Variants in TTC13 observed in about 807,000 individuals in gnomAD.
TTC13 encodes tetratricopeptide repeat domain 13, also known as tetratricopeptide repeat protein 13.
Under a neutral mutation model 120.0 loss-of-function variants are expected in TTC13, and 62 were observed. The ratio of observed to expected loss-of-function variants is 0.52; its 90% confidence interval spans 0.42 to 0.64. TTC13 has a LOEUF of 0.64. TTC13 is among the 30% of genes least tolerant of loss of function. TTC13 has a pLI of 0.00. For missense variants in TTC13, 824 were observed against 1,050.2 expected, an observed-to-expected ratio of 0.78 and a Z score of 2.98; for synonymous variants, 384 against 393.5, an observed-to-expected ratio of 0.98 and a Z score of 0.28.
intron 17 of TTC13, among the ~76,000 whole-genome samples, chr1:230,918,196 G>A (rs997936352): frequency 6.6e-6 from 1 of 152,158 alleles, no homozygotes; most frequent in Non-Finnish European, 1.5e-5. Context: ...CATACATACT[G>A]AATTTGCCAG....
chr1:230,913,869 G>A (rs1480717902), intron 18 of TTC13, among the ~76,000 whole-genome samples: 1 of 152,200 alleles, frequency 6.6e-6, no homozygotes, highest in East Asian at 1.9e-4. Flanking sequence ...TTCCAACAGG[G>A]AGATGGTCCA....
intron 1 of TTC13, among the ~76,000 whole-genome samples, chr1:230,968,184 TGG>T (rs10587077): frequency 0.36 from 46,744 of 130,960 alleles, 9,466 homozygotes; most frequent in African/African-American, 0.58. Flanking sequence ...CCTATGGTGG[TGG>T]GGGGGGGGCC....
At chr1:230,960,122 A>G (rs1422706173) in intron 2 of TTC13, among the ~76,000 whole-genome samples, 1 of 152,332 alleles carries the variant, frequency 6.6e-6, no homozygotes, top group East Asian at 1.9e-4. Flanking sequence ...CACCTAGTGC[A>G]ATGCCTGGCA....
At chr1:230,927,015 C>T (rs939181384) in intron 12 of TTC13, among the ~76,000 whole-genome samples, 4 of 152,234 alleles carry the variant, frequency 2.6e-5, no homozygotes, top group African/African-American at 9.6e-5. Flanking sequence ...AGCTTACTGA[C>T]TTGCTGCTTT....
intron 4 of TTC13, among the ~76,000 whole-genome samples, chr1:230,948,146 C>T (rs980627446): frequency 2.6e-5 from 4 of 152,174 alleles, no homozygotes; most frequent in African/African-American, 9.6e-5. Context: ...ACACCTAATA[C>T]AGTGACATTC....
chr1:230,940,764 G>T lies in TTC13; in HGVS notation c.673-208C>A, dbSNP rs1192102828. ...TCTTTGTCCAGTCAAGCAGGAGGCT[G>T]ATGAACTATGACTGCAGCAACTGCC... On this transcript the variant is annotated intron_variant, in intron 6 of 22. Coordinates refer to ENST00000366661, the MANE Select transcript of TTC13 (RefSeq NM_024525.5). The surrounding 1 kb of genome is among the most constrained non-coding windows in gnomAD (Gnocchi z 4.1). 6.6e-5 allele frequency among the ~76,000 whole-genome samples: 10 copies of T among 152,308 alleles called. No homozygotes were observed. In the East Asian group the frequency reaches 1.9e-3, roughly 29 times the overall value.
intron 1 of TTC13, 99 bp from the exon 2 acceptor site, chr1:230,961,402 A>C (rs537382246): frequency 5.9e-6 from 5 of 848,666 alleles, no homozygotes; most frequent in Non-Finnish European, 9.4e-6. Flanking sequence ...GAACCAAAAT[A>C]AGAACAGGTG....
At chr1:230,923,732 G>A (rs1448031780) in intron 15 of TTC13, 109 bp downstream of exon 15, 1 of 858,634 alleles carries the variant, frequency 1.2e-6, no homozygotes, top group Non-Finnish European at 1.9e-6. Context: ...TATGTTCCCT[G>A]GTCAAAAAGT....
At chr1:230,916,112 C>CA in intron 18 of TTC13, 81 bp downstream of exon 18, 3 of 1,065,968 alleles carry the variant, frequency 2.8e-6, no homozygotes, top group Non-Finnish European at 4.4e-6. Flanking sequence ...TTCAACACCA[C>CA]AAAACTCTAT....
At chr1:230,963,671 T>G (rs553386920) in intron 1 of TTC13, among the ~76,000 whole-genome samples, 4 of 109,906 alleles carry the variant, frequency 3.6e-5, no homozygotes, top group East Asian at 2.9e-4. Context: ...AATAAATAAA[T>G]AAAAGAAAAA....
At chr1:230,931,508 T>G in intron 10 of TTC13, 36 bp from the exon 11 acceptor site, 1 of 1,603,528 alleles carries the variant, frequency 6.2e-7, no homozygotes, top group Middle Eastern at 1.7e-4. Context: ...TCAACACAGT[T>G]TAGGAAAACT....
intron 12 of TTC13, among the ~76,000 whole-genome samples, chr1:230,926,962 G>C (rs977678397): frequency 6.6e-6 from 1 of 152,156 alleles, no homozygotes; most frequent in African/African-American, 2.4e-5. Flanking sequence ...ATACTCTACA[G>C]TTTGGCTTAT....
intron 1 of TTC13, among the ~76,000 whole-genome samples, chr1:230,964,049 T>C (rs775107744): frequency 7.2e-5 from 11 of 152,192 alleles, no homozygotes; most frequent in Non-Finnish European, 1.6e-4. Context: ...ACTTACTATA[T>C]GCCAGGCACT....
chr1:230,964,468 A>G (rs1000919698), intron 1 of TTC13, among the ~76,000 whole-genome samples: 2 of 152,190 alleles, frequency 1.3e-5, no homozygotes, highest in African/African-American at 4.8e-5. Context: ...CATACCACTA[A>G]TAAAGTTAAA....
Position 230,978,809 on chromosome 1 carries a change from A to AGCG in TTC13, c.21_22insCGC (p.Cys7_Cys8insArg). The AGCG allele has an allele frequency of 6.7e-7, 1 of 1,493,230 alleles. No homozygotes were observed. Among genetic ancestry groups the AGCG allele is most frequent in the African/African-American group, 1.5e-5 (1 of 68,766 alleles). The allele number at this position is 1,493,230 out of a possible 1,614,324, so 92.5% of individuals were successfully genotyped here. ...GCGCCGCCCCAGAAGCAGCAGCAGC[A>AGCG]GCAGCAGCCGGCAGGTGCCATCTTC... On this transcript the variant is annotated inframe_insertion, in exon 1 of 23. Transcript: ENST00000366661. The surrounding 1 kb of genome is among the most constrained non-coding windows in gnomAD (Gnocchi z 5.6).
chr1:230,967,836 GT>G (rs1193300598), intron 1 of TTC13, among the ~76,000 whole-genome samples: 1 of 152,108 alleles, frequency 6.6e-6, no homozygotes, highest in Non-Finnish European at 1.5e-5. Flanking sequence ...TACATAAATA[GT>G]ATAAATTTCC....
At chr1:230,954,989 A>G (rs753232479) in intron 3 of TTC13, among the ~76,000 whole-genome samples, 1 of 152,228 alleles carries the variant, frequency 6.6e-6, no homozygotes, top group Non-Finnish European at 1.5e-5. Context: ...ACGCTACTCA[A>G]AATATACACT....
chr1:230,928,380 A>C (rs923974355), intron 12 of TTC13, among the ~76,000 whole-genome samples: 2 of 152,226 alleles, frequency 1.3e-5, no homozygotes, highest in African/African-American at 4.8e-5. Flanking sequence ...TTACTACTAT[A>C]AATGATATTT....
intron 10 of TTC13, 95 bp downstream of exon 10, chr1:230,931,641 T>C: frequency 6.7e-7 from 1 of 1,503,076 alleles, no homozygotes; most frequent in Non-Finnish European, 9.1e-7. Flanking sequence ...GTAGAAACAC[T>C]ATTCTCAGTC....
Sources: allele counts gnomAD v4.1 joint callset (sites outside exome capture counted in the v4.1 genomes callset), GRCh38; gene constraint gnomAD v4.1.1; non-coding constraint Gnocchi (gnomAD v3.1); transcripts MANE v1.5; gene names NCBI Gene and HGNC (gene_info 2026-07-23, HGNC 2026-07-21).